Variants in ACOT1 observed in about 807,000 individuals in gnomAD.
ACOT1 encodes the protein acyl-CoA thioesterase 1.
A neutral mutation model predicts 15.7 loss-of-function variants in ACOT1; 8 were observed. The observed-to-expected ratio is 0.51, with a 90% confidence interval of 0.30 to 0.92. The LOEUF is 0.92. Ranked by LOEUF, ACOT1 falls within the 40% of genes least tolerant of loss-of-function variation. ACOT1 has a pLI of 0.06. For synonymous variants in ACOT1, 67 were observed against 241.2 expected, an observed-to-expected ratio of 0.28 and a Z score of 6.69; for missense variants, 151 against 539.4, an observed-to-expected ratio of 0.28 and a Z score of 7.13.
chr14:73,522,731 G>A, the ACOT1 span: 3 of 1,614,110 alleles, frequency 1.9e-6, no homozygotes, highest in Non-Finnish European at 1.7e-6. Flanking sequence ...GGGATTGGCA[G>A]AGCTTTCTGT....
At chr14:73,526,744 C>T in the ACOT1 span, among the ~76,000 whole-genome samples, 1 of 152,236 alleles carries the variant, frequency 6.6e-6, no homozygotes, top group African/African-American at 2.4e-5. Flanking sequence ...GGATTCCCCA[C>T]CTGCTGACTA....
At chr14:73,500,712 T>C in the ACOT1 span, 1 of 1,614,000 alleles carries the variant, frequency 6.2e-7, no homozygotes, top group Non-Finnish European at 8.5e-7. Context: ...CCTGGGAATT[T>C]CCTTGACCTA....
chr14:73,496,667 C>G, the ACOT1 span: 1 of 1,579,374 alleles, frequency 6.3e-7, no homozygotes, highest in Non-Finnish European at 8.7e-7. Flanking sequence ...TCTTCATTGT[C>G]TGGTACATTT....
chr14:73,534,311 A>AG (rs1888795347), upstream of ACOT1, among the ~76,000 whole-genome samples: 2 of 109,816 alleles, frequency 1.8e-5, no homozygotes, highest in Admixed American at 2.1e-4. Context: ...CCCGGGAGCC[A>AG]GAAGTTGCAG....
chr14:73,504,034 C>G, the ACOT1 span, among the ~76,000 whole-genome samples: 1 of 151,366 alleles, frequency 6.6e-6, no homozygotes, highest in Admixed American at 6.6e-5. Flanking sequence ...TGTTAAGATG[C>G]AGATTCTGAT....
the ACOT1 span, chr14:73,491,985 C>T: frequency 1.9e-6 from 3 of 1,613,884 alleles, no homozygotes; most frequent in Admixed American, 3.3e-5. Context: ...GGAAGCATGG[C>T]AGGCTCCAAC....
the ACOT1 span, among the ~76,000 whole-genome samples, chr14:73,511,556 TAAA>T: frequency 4.1e-5 from 4 of 98,106 alleles, no homozygotes; most frequent in Non-Finnish European, 9.4e-5. Context: ...AATAAATAAA[TAAA>T]TAAATAAAAT....
chr14:73,506,551 A>T, the ACOT1 span: 4 of 1,613,586 alleles, frequency 2.5e-6, no homozygotes, highest in Non-Finnish European at 3.4e-6. Flanking sequence ...GCTCCACAGC[A>T]AGCATGGTGT....
At chr14:73,506,802 C>CTTTTTTTTTTTTTTTTTTTTTTTTTT in the ACOT1 span, among the ~76,000 whole-genome samples, 1 of 58,052 alleles carries the variant, frequency 1.7e-5, no homozygotes, top group East Asian at 9.1e-4. Context: ...CTGACTTTAA[C>CTTTTTTTTTTTTTTTTTTTTTTTTTT]TGTTTTTTTT....
At chr14:73,530,168 T>C in the ACOT1 span, 1 of 141,902 alleles carries the variant, frequency 7.0e-6, no homozygotes, top group Non-Finnish European at 1.5e-5. Flanking sequence ...GGTCTTACTA[T>C]GTTGTCCAGG....
the ACOT1 span, chr14:73,508,073 A>C: frequency 6.7e-7 from 1 of 1,485,326 alleles, no homozygotes; most frequent in Non-Finnish European, 9.4e-7. Flanking sequence ...GCTTACATTC[A>C]CTGACCTCAA....
chr14:73,517,925 A>G, the ACOT1 span, among the ~76,000 whole-genome samples: 1 of 151,894 alleles, frequency 6.6e-6, no homozygotes, highest in African/African-American at 2.4e-5. Flanking sequence ...GTCTCTACTA[A>G]AAATACAAAA....
At chr14:73,509,860 A>ATT in the ACOT1 span, among the ~76,000 whole-genome samples, 67 of 63,370 alleles carry the variant, frequency 1.1e-3, 5 homozygotes, top group African/African-American at 4.3e-3. Context: ...ATATATATAT[A>ATT]TATATATATT....
chr14:73,500,699 G>T, the ACOT1 span: 3 of 1,613,942 alleles, frequency 1.9e-6, no homozygotes, highest in South Asian at 3.3e-5. Context: ...GCTTCCACAC[G>T]CTCCTGGGAA....
At chr14:73,534,505 T>A (rs1166847103), upstream of ACOT1, among the ~76,000 whole-genome samples, 1 of 112,148 alleles carries the variant, frequency 8.9e-6, no homozygotes, top group African/African-American at 2.9e-5. Context: ...CCAGGCAACA[T>A]AGGGAGACCC....
the ACOT1 span, chr14:73,506,485 G>T: frequency 1.5e-5 from 24 of 1,613,386 alleles, no homozygotes; most frequent in Non-Finnish European, 2.0e-5. Context: ...CATTTCCACT[G>T]ATCCGGGAGA....
At chr14:73,528,392 C>CAAAAAAAA in the ACOT1 span, among the ~76,000 whole-genome samples, 127 of 88,462 alleles carry the variant, frequency 1.4e-3, 2 homozygotes, top group African/African-American at 2.0e-3. Flanking sequence ...AACTTCATCT[C>CAAAAAAAA]AAAAAAAAAA....
the ACOT1 span, among the ~76,000 whole-genome samples, chr14:73,504,132 C>T: frequency 2.0e-5 from 3 of 147,436 alleles, no homozygotes; most frequent in African/African-American, 7.6e-5. Context: ...GGCTGGAGTG[C>T]AATGGCACGA....
At chr14:73,491,501 G>C in the ACOT1 span, 3 of 1,511,954 alleles carry the variant, frequency 2.0e-6, no homozygotes, top group Non-Finnish European at 2.6e-6. Context: ...CCAGTCGTCC[G>C]GGGCCCCTGC....
Sources: allele counts gnomAD v4.1 joint callset (sites outside exome capture counted in the v4.1 genomes callset), GRCh38; gene constraint gnomAD v4.1.1; transcripts MANE v1.5; gene names NCBI Gene and HGNC (gene_info 2026-07-23, HGNC 2026-07-21).